The following CNTNAP2 variants were observed in gnomAD, a reference collection of about 807,000 sequenced individuals.
CNTNAP2 encodes the protein contactin-associated protein-like 2.
A neutral mutation model predicts 155.2 loss-of-function variants in CNTNAP2; 98 were observed. The observed-to-expected ratio is 0.63, with a 90% CI of 0.54 to 0.75. CNTNAP2 has a LOEUF of 0.75. Ranked by LOEUF, CNTNAP2 falls within the 30% of genes least tolerant of loss-of-function variation. The probability of loss-of-function intolerance (pLI) is 0.00; values close to 1 mark genes in which losing one functional copy is unlikely to be tolerated. For missense variants in CNTNAP2, 1,727 were observed against 1,688.1 expected, an observed-to-expected ratio of 1.02 and a Z score of -0.40; for synonymous variants, 651 against 631.2, an observed-to-expected ratio of 1.03 and a Z score of -0.47.
intron 3 of CNTNAP2, among the ~76,000 whole-genome samples, chr7:146,982,929 A>G (rs1445568506): frequency 6.6e-6 from 1 of 152,156 alleles, no homozygotes; most frequent in Non-Finnish European, 1.5e-5. Context: ...TCCAGGGATT[A>G]TTTGCCTAAG....
rs114797359 is a variant in CNTNAP2 at position 147,835,068 on chromosome 7, G to A, written c.2099-68497G>A. On this transcript the variant is annotated intron_variant, in intron 13 of 23. Coordinates refer to ENST00000361727, the MANE Select transcript of CNTNAP2 (RefSeq NM_014141.6). The stretch of plus-strand genomic sequence containing the variant: ...TAAGGATAAAAAAAAGAATTGCCCC[G>A]GCTACCAAAGTATCATTGTTTCATC... Among the ~76,000 whole-genome samples, 1,232 of 152,104 alleles carry A rather than the reference G, an allele frequency of 8.1e-3. 17 individuals carry two copies. The highest frequency in any genetic ancestry group is 0.027 in the African/African-American group (1,131 of 41,500).
chr7:146,683,794 C>T (rs1372030898), intron 1 of CNTNAP2, among the ~76,000 whole-genome samples: 1 of 152,102 alleles, frequency 6.6e-6, no homozygotes, highest in Non-Finnish European at 1.5e-5. Context: ...AATTCATGCT[C>T]TTAAGTGATG....
chr7:146,417,235 A>G (rs146088765), intron 1 of CNTNAP2, among the ~76,000 whole-genome samples: 1 of 152,290 alleles, frequency 6.6e-6, no homozygotes, highest in African/African-American at 2.4e-5. Flanking sequence ...GTCAAAAGTA[A>G]AGCTACTTGG....
At chr7:147,907,139 C>G (rs1019482832) in intron 14 of CNTNAP2, among the ~76,000 whole-genome samples, 3 of 152,070 alleles carry the variant, frequency 2.0e-5, no homozygotes, top group Non-Finnish European at 4.4e-5. Flanking sequence ...TCACTGCAAG[C>G]TCTGCCTCCC....
In CNTNAP2 at chr7:146,535,238, ATATATCATATATATGATAT is replaced by A. The variant is rs1797842132; in HGVS notation, c.98-239018_98-239000del. Among the ~76,000 whole-genome samples the A allele has an allele frequency of 4.9e-5, 2 of 40,782 alleles. 1 individual carries two copies. Among genetic ancestry groups the A allele is most frequent in the Non-Finnish European group, 7.2e-5 (2 of 27,848 alleles). The allele number at this position is 40,782 out of a possible 152,430, so 26.8% of individuals were successfully genotyped here. ...GATATTATATCATATATATTATATC[ATATATCATATATATGATAT>A]TATATCATATATATTATATATTATA... On this transcript the variant is annotated intron_variant, in intron 1 of 23. Coordinates refer to ENST00000361727, the MANE Select transcript of CNTNAP2 (RefSeq NM_014141.6).
At chr7:147,586,610 T>A (rs998573200) in intron 12 of CNTNAP2, among the ~76,000 whole-genome samples, 1 of 141,142 alleles carries the variant, frequency 7.1e-6, no homozygotes, top group Non-Finnish European at 1.5e-5. Flanking sequence ...AAGGAGGGAA[T>A]GGGAGGGTAA....
intron 3 of CNTNAP2, among the ~76,000 whole-genome samples, chr7:147,014,758 T>C (rs546760794): frequency 4.6e-5 from 7 of 152,180 alleles, no homozygotes; most frequent in Admixed American, 4.6e-4. Flanking sequence ...CCTCAAATCT[T>C]GCCAACAGGA....
chr7:146,151,655 T>TAG (rs57711005), intron 1 of CNTNAP2, among the ~76,000 whole-genome samples: 1 of 29,930 alleles, frequency 3.3e-5, no homozygotes, highest in Non-Finnish European at 7.1e-5. Context: ...TATATATATA[T>TAG]ATATATATAT....
intron 1 of CNTNAP2, among the ~76,000 whole-genome samples, chr7:146,728,005 G>A (rs949026488): frequency 5.9e-5 from 9 of 152,046 alleles, no homozygotes; most frequent in African/African-American, 2.2e-4. Context: ...AGTAGAGAAG[G>A]GGTCCAATGG....
intron 10 of CNTNAP2, among the ~76,000 whole-genome samples, chr7:147,463,071 T>A (rs906362572): frequency 6.6e-6 from 1 of 152,206 alleles, no homozygotes; most frequent in Non-Finnish European, 1.5e-5. Flanking sequence ...AAGTCACCAG[T>A]TCTATCTCCC....
At chr7:147,602,773 AATG>A (rs1278590997) in intron 12 of CNTNAP2, among the ~76,000 whole-genome samples, 1 of 151,910 alleles carries the variant, frequency 6.6e-6, no homozygotes, top group Non-Finnish European at 1.5e-5. Flanking sequence ...GTTTACTGAG[AATG>A]ATGATTTCCA....
At chr7:148,398,979 T>C (rs1473488935) in intron 22 of CNTNAP2, among the ~76,000 whole-genome samples, 2 of 152,248 alleles carry the variant, frequency 1.3e-5, no homozygotes, top group African/African-American at 4.8e-5. Flanking sequence ...CCCTAGAAAC[T>C]GGGGCTATTT....
At chr7:148,342,288 C>G (rs149667123) in intron 21 of CNTNAP2, among the ~76,000 whole-genome samples, 1 of 152,286 alleles carries the variant, frequency 6.6e-6, no homozygotes, top group African/African-American at 2.4e-5. Context: ...AATCTGTATT[C>G]CTGAAAACTG....
chr7:147,842,440 G>C (rs1468876142), intron 13 of CNTNAP2, among the ~76,000 whole-genome samples: 1 of 151,800 alleles, frequency 6.6e-6, no homozygotes, highest in Admixed American at 6.6e-5. Flanking sequence ...TGTATTTTAA[G>C]TTTTCATTCA....
intron 13 of CNTNAP2, among the ~76,000 whole-genome samples, chr7:147,893,969 A>G (rs1165877878): frequency 1.3e-5 from 2 of 152,148 alleles, no homozygotes; most frequent in African/African-American, 2.4e-5. Context: ...ACACATCCAT[A>G]CTGGGGAAAA....
intron 13 of CNTNAP2, among the ~76,000 whole-genome samples, chr7:147,699,843 C>G (rs1290771338): frequency 6.6e-6 from 1 of 152,120 alleles, no homozygotes; most frequent in African/African-American, 2.4e-5. Flanking sequence ...CTCCCCACTC[C>G]CAGCTCCTTC....
chr7:147,435,160 T>C (rs1797530376), intron 10 of CNTNAP2, among the ~76,000 whole-genome samples: 1 of 152,184 alleles, frequency 6.6e-6, no homozygotes, highest in African/African-American at 2.4e-5. Context: ...TTCTTGGTCT[T>C]GAAGACCAAA....
chr7:147,714,836 G>A (rs191447926), intron 13 of CNTNAP2, among the ~76,000 whole-genome samples: 59 of 152,048 alleles, frequency 3.9e-4, no homozygotes, highest in South Asian at 1.7e-3. Context: ...TATTTACAGC[G>A]GAATCTACAC....
intron 13 of CNTNAP2, among the ~76,000 whole-genome samples, chr7:147,833,312 G>A (rs1374538505): frequency 1.3e-5 from 2 of 152,056 alleles, no homozygotes; most frequent in African/African-American, 4.8e-5. Context: ...CATAATTAAG[G>A]AGCTGCGTGA....
Sources: gnomAD v4.1 joint callset for allele counts (sites outside exome capture counted in the v4.1 genomes callset) on GRCh38, gnomAD v4.1.1 for gene constraint, MANE v1.5 for transcripts, NCBI Gene and HGNC (gene_info 2026-07-23, HGNC 2026-07-21) for gene names.